NPIPA5: variants seen among roughly 807,000 people sequenced by gnomAD.
NPIPA5 encodes the protein nuclear pore complex interacting protein family member A5, also known as nuclear pore complex-interacting protein family member A5.
NPIPA5 carries 6 observed loss-of-function variants against 21.4 expected under a neutral mutation model. That is an observed-to-expected ratio of 0.28 (90% CI 0.15 to 0.55). The LOEUF (loss-of-function observed/expected upper bound fraction) is 0.55, where lower values mean the gene tolerates loss of function less well. NPIPA5 is among the 20% of genes least tolerant of loss of function. The probability of loss-of-function intolerance (pLI) is 0.93; values close to 1 mark genes in which losing one functional copy is unlikely to be tolerated. For missense variants in NPIPA5, 99 were observed against 318.2 expected, an observed-to-expected ratio of 0.31 and a Z score of 5.24; for synonymous variants, 33 against 115.3, an observed-to-expected ratio of 0.29 and a Z score of 4.57.
chr16:15,370,661 G>C (rs1187968998), intron 2 of NPIPA5, among the ~76,000 whole-genome samples: 3 of 140,090 alleles, frequency 2.1e-5, no homozygotes, highest in African/African-American at 7.8e-5. Flanking sequence ...TGAGGCAGGA[G>C]AATCACTTGA....
chr16:15,368,894 G>T (rs377425333), intron 4 of NPIPA5, among the ~76,000 whole-genome samples: 2 of 131,334 alleles, frequency 1.5e-5, no homozygotes, highest in Non-Finnish European at 3.2e-5. Context: ...GATAAGAATC[G>T]TTTGAACCTG....
At chr16:15,374,183 T>C (rs969128973) in intron 1 of NPIPA5, among the ~76,000 whole-genome samples, 1 of 150,590 alleles carries the variant, frequency 6.6e-6, no homozygotes, top group African/African-American at 2.4e-5. Flanking sequence ...TAGCTGATGA[T>C]CTAAAAAAAA....
intron 4 of NPIPA5, among the ~76,000 whole-genome samples, chr16:15,369,145 C>G (rs994658764): frequency 1.4e-5 from 2 of 145,748 alleles, no homozygotes; most frequent in Non-Finnish European, 3.0e-5. Context: ...GAGCGAGACT[C>G]TATCTCAAAA....
At chr16:15,377,598 G>C (rs1282038574) in intron 1 of NPIPA5, among the ~76,000 whole-genome samples, 1 of 138,382 alleles carries the variant, frequency 7.2e-6, no homozygotes, top group Non-Finnish European at 1.6e-5. Flanking sequence ...GAGGGAAGGG[G>C]ACGGGGACCG....
Position 15,375,741 on chromosome 16 carries a change from C to CAA in NPIPA5, c.64-1900_64-1899dup, listed in dbSNP as rs1268411508. Among the ~76,000 whole-genome samples, 531 of 62,066 alleles carry CAA rather than the reference C, an allele frequency of 8.6e-3. 4 individuals are homozygous for CAA. Among genetic ancestry groups the CAA allele is most frequent in the East Asian group, 0.013 (29 of 2,226 alleles). The allele number at this position is 62,066 out of a possible 152,430, so 40.7% of individuals were successfully genotyped here. On this transcript the variant is annotated intron_variant, in intron 1 of 7. Transcript: ENST00000360151. Reference sequence around the variant, plus strand: ...TGGGTGACAGAGCGAGACTCTGTCTCAAAAAAAAAAAAAAAAAAATTACCA... The same window carrying CAA: ...TGGGTGACAGAGCGAGACTCTGTCTCAAAAAAAAAAAAAAAAAAAAATTACCA...
chr16:15,375,617 C>A (rs2050270079), intron 1 of NPIPA5, among the ~76,000 whole-genome samples: 1 of 147,580 alleles, frequency 6.8e-6, no homozygotes, highest in Non-Finnish European at 1.5e-5. Flanking sequence ...TGGCACGCGC[C>A]TATAGTTCCA....
chr16:15,366,011 A>G (rs1389925999), intron 5 of NPIPA5, among the ~76,000 whole-genome samples: 2 of 56,170 alleles, frequency 3.6e-5, no homozygotes, highest in Non-Finnish European at 8.4e-5. Context: ...AGAGGTTGCA[A>G]TGAGCCAAGA....
At chr16:15,369,214 G>C (rs1854338181) in intron 4 of NPIPA5, among the ~76,000 whole-genome samples, 1 of 148,514 alleles carries the variant, frequency 6.7e-6, no homozygotes, top group Non-Finnish European at 1.5e-5. Context: ...CCAGCACTTT[G>C]GGAGGCTGAG....
chr16:15,370,388 T>C (rs1199265619), intron 2 of NPIPA5, among the ~76,000 whole-genome samples: 1 of 138,266 alleles, frequency 7.2e-6, no homozygotes, highest in African/African-American at 2.6e-5. Context: ...ATCACACCAC[T>C]GCACTCCAGC....
At chr16:15,381,134 G>T (rs2050428074), upstream of NPIPA5, 39 of 1,526,786 alleles carry the variant, frequency 2.6e-5, no homozygotes, top group Non-Finnish European at 3.3e-5. Context: ...GGAAAAACAA[G>T]GTGATGTTTG....
chr16:15,379,340 T>C (rs1325637065), upstream of NPIPA5, among the ~76,000 whole-genome samples: 123 of 146,946 alleles, frequency 8.4e-4, no homozygotes, highest in Non-Finnish European at 1.6e-3. Flanking sequence ...GAGGCCGAGG[T>C]GGGCGGATCA....
At chr16:15,366,856 C>T in intron 4 of NPIPA5, 96 bp from the exon 5 acceptor site, 3 of 1,520,274 alleles carry the variant, frequency 2.0e-6, no homozygotes, top group South Asian at 1.2e-5. Context: ...AAAGATCCCC[C>T]CTGCAACCTT....
At chr16:15,379,322 C>A (rs538048582), upstream of NPIPA5, among the ~76,000 whole-genome samples, 1 of 152,192 alleles carries the variant, frequency 6.6e-6, no homozygotes, top group African/African-American at 2.4e-5. Flanking sequence ...GTAATCCCAC[C>A]ACTTTGGGAG....
chr16:15,370,866 G>C (rs1287317640), intron 2 of NPIPA5, among the ~76,000 whole-genome samples: 1 of 146,988 alleles, frequency 6.8e-6, no homozygotes, highest in African/African-American at 2.5e-5. Context: ...GGGCAACATG[G>C]TGAAACCCCG....
upstream of NPIPA5, among the ~76,000 whole-genome samples, chr16:15,379,938 T>A (rs1715269805): frequency 6.6e-6 from 1 of 151,766 alleles, no homozygotes; most frequent in African/African-American, 2.4e-5. Context: ...AGTGAAACTC[T>A]GTCTCAAAAA....
intron 4 of NPIPA5, 94 bp from the exon 5 acceptor site, chr16:15,366,854 C>A: frequency 1.3e-6 from 2 of 1,520,496 alleles, no homozygotes; most frequent in Non-Finnish European, 1.8e-6. Context: ...TCAAAGATCC[C>A]CCCTGCAACC....
At chr16:15,377,491 G>A (rs1206698386) in intron 1 of NPIPA5, among the ~76,000 whole-genome samples, 2 of 144,236 alleles carry the variant, frequency 1.4e-5, no homozygotes, top group Non-Finnish European at 3.0e-5. Flanking sequence ...AGCCAAAAGA[G>A]GAGCCAAAAG....
intron 4 of NPIPA5, among the ~76,000 whole-genome samples, chr16:15,367,374 G>A (rs553965040): frequency 3.2e-4 from 49 of 152,194 alleles, no homozygotes; most frequent in African/African-American, 9.4e-4. Context: ...AATGCTGGGC[G>A]CATCTATTGA....
At chr16:15,368,978 CAAAAAAAA>C (rs58185103) in intron 4 of NPIPA5, among the ~76,000 whole-genome samples, 5 of 25,462 alleles carry the variant, frequency 2.0e-4, no homozygotes, top group African/African-American at 8.6e-4. Flanking sequence ...GACTCTGTCT[CAAAAAAAA>C]AAAAAAAAAA....
Sources: gnomAD v4.1 joint callset for allele counts (sites outside exome capture counted in the v4.1 genomes callset) on GRCh38, gnomAD v4.1.1 for gene constraint, MANE v1.5 for transcripts, NCBI Gene and HGNC (gene_info 2026-07-23, HGNC 2026-07-21) for gene names.